Variants in ITPR2 observed in about 807,000 individuals in gnomAD.
ITPR2 encodes the protein inositol 1,4,5-trisphosphate receptor type 2.
ITPR2 carries 207 observed loss-of-function variants against 317.1 expected under a neutral mutation model. That is an observed-to-expected ratio of 0.65 (90% CI 0.58 to 0.73). The LOEUF (loss-of-function observed/expected upper bound fraction) is 0.73, where lower values mean the gene tolerates loss of function less well. Among genes scored for constraint, ITPR2 ranks in the 30% least tolerant of loss-of-function variants. The probability of loss-of-function intolerance (pLI) is 0.00; values close to 1 mark genes in which losing one functional copy is unlikely to be tolerated. For synonymous variants in ITPR2, 1,156 were observed against 1,149.1 expected, an observed-to-expected ratio of 1.01 and a Z score of -0.12; for missense variants, 2,613 against 3,284.0, an observed-to-expected ratio of 0.80 and a Z score of 4.99.
chr12:26,564,973 G>A (rs955478473), intron 34 of ITPR2, among the ~76,000 whole-genome samples: 5 of 152,138 alleles, frequency 3.3e-5, no homozygotes, highest in Non-Finnish European at 7.3e-5. Context: ...TTCCTAAAAA[G>A]AGTCTGACTA....
At chr12:26,568,020 A>T (rs1945056627) in intron 34 of ITPR2, among the ~76,000 whole-genome samples, 1 of 128,184 alleles carries the variant, frequency 7.8e-6, no homozygotes, top group Non-Finnish European at 1.6e-5. Context: ...ATATATATAT[A>T]TATATATATA....
intron 55 of ITPR2, among the ~76,000 whole-genome samples, chr12:26,377,658 C>T (rs1416380883): frequency 3.3e-5 from 5 of 152,184 alleles, no homozygotes; most frequent in Non-Finnish European, 5.9e-5. Context: ...TAGAAGAAGG[C>T]ATAGCTAAAG....
chr12:26,447,909 C>A (rs539900618), intron 45 of ITPR2, among the ~76,000 whole-genome samples: 2 of 151,076 alleles, frequency 1.3e-5, no homozygotes, highest in South Asian at 4.2e-4. Flanking sequence ...CACTGCCAAC[C>A]AAAGATATTC....
intron 1 of ITPR2, among the ~76,000 whole-genome samples, chr12:26,825,929 T>C (rs1028810111): frequency 1.3e-5 from 2 of 152,236 alleles, no homozygotes; most frequent in African/African-American, 4.8e-5. Context: ...TAGATATATT[T>C]ATCACATTAT....
chr12:26,657,084 T>C (rs1947386677), intron 18 of ITPR2, among the ~76,000 whole-genome samples: 1 of 152,240 alleles, frequency 6.6e-6, no homozygotes, highest in Non-Finnish European at 1.5e-5. Flanking sequence ...AAGCGTCATC[T>C]GTCTTTGTCT....
At chr12:26,552,736 A>C (rs1279481818) in intron 36 of ITPR2, among the ~76,000 whole-genome samples, 1 of 152,142 alleles carries the variant, frequency 6.6e-6, no homozygotes, top group Non-Finnish European at 1.5e-5. Context: ...TTGTGGATAC[A>C]TAGTAGGCAT....
At chr12:26,601,003 C>T (rs1945987568) in intron 28 of ITPR2, among the ~76,000 whole-genome samples, 1 of 152,040 alleles carries the variant, frequency 6.6e-6, no homozygotes, top group Non-Finnish European at 1.5e-5. Flanking sequence ...TAGTGAATAT[C>T]CTTATTCATT....
chr12:26,778,135 G>A (rs1204223089), intron 2 of ITPR2, among the ~76,000 whole-genome samples: 5 of 152,154 alleles, frequency 3.3e-5, no homozygotes, highest in African/African-American at 4.8e-5. Context: ...CTTAGCAGCT[G>A]GCAGAACCCC....
chr12:26,493,589 A>T (rs985350925), intron 39 of ITPR2, among the ~76,000 whole-genome samples: 1 of 152,252 alleles, frequency 6.6e-6, no homozygotes, highest in African/African-American at 2.4e-5. Context: ...CAAAGAAATG[A>T]TAAACATTTG....
intron 37 of ITPR2, among the ~76,000 whole-genome samples, chr12:26,538,687 CT>C (rs1944170596): frequency 6.6e-6 from 1 of 152,088 alleles, no homozygotes; most frequent in South Asian, 2.1e-4. Context: ...AGCAATTCTT[CT>C]GCCTCACCCT....
At chr12:26,567,984 A>ATAT (rs1565609585) in intron 34 of ITPR2, among the ~76,000 whole-genome samples, 6 of 10,802 alleles carry the variant, frequency 5.6e-4, no homozygotes, top group African/African-American at 1.5e-3. Flanking sequence ...TATATTATAT[A>ATAT]TATATATATA....
chr12:26,549,893 C>T (rs771092401), intron 37 of ITPR2, among the ~76,000 whole-genome samples: 1 of 151,848 alleles, frequency 6.6e-6, no homozygotes, highest in Non-Finnish European at 1.5e-5. Context: ...TAGACATTCT[C>T]AGTATGTGGC....
At chr12:26,678,659 T>C (rs1421221210) in intron 13 of ITPR2, among the ~76,000 whole-genome samples, 1 of 152,222 alleles carries the variant, frequency 6.6e-6, no homozygotes, top group African/African-American at 2.4e-5. Flanking sequence ...AATTACTAAA[T>C]TAAGATCAAT....
At chr12:26,372,778 A>C (rs1174881694) in intron 55 of ITPR2, among the ~76,000 whole-genome samples, 1 of 152,182 alleles carries the variant, frequency 6.6e-6, no homozygotes. Context: ...AGCATTTTCA[A>C]ACTGGGTTTA....
chr12:26,443,637 T>C lies in ITPR2; in HGVS notation c.6356A>G (p.Asn2119Ser). ...YILAHQLARH[N>S]KLLQQMLKPG... ...TTTGAGCATCTGCTGCAACAGTTTA[T>C]TGTGGCGGGCCAACTAGAGTAGGGA... The change falls in exon 46 of 57, where the codon AAT (asparagine) becomes AGT (serine). Residue 2119 changes from asparagine to serine, a missense_variant. Coordinates refer to ENST00000381340, the MANE Select transcript of ITPR2 (RefSeq NM_002223.4). 6.2e-7 allele frequency: 1 copy of C among 1,612,796 alleles called. No homozygotes were observed. The highest frequency in any genetic ancestry group is 8.5e-7 in the Non-Finnish European group (1 of 1,179,050).
chr12:26,818,952 T>C (rs1467144625), intron 1 of ITPR2, among the ~76,000 whole-genome samples: 1 of 152,146 alleles, frequency 6.6e-6, no homozygotes, highest in Admixed American at 6.5e-5. Context: ...ACTATCTTTA[T>C]TGGTATGATA....
At chr12:26,476,832 T>A (rs922913102) in intron 44 of ITPR2, 80 bp downstream of exon 44, 1 of 834,432 alleles carries the variant, frequency 1.2e-6, no homozygotes, top group Middle Eastern at 2.5e-4. Context: ...ATCAATCAAC[T>A]TTTTTTTCTG....
Position 26,615,274 on chromosome 12 carries a change from A to T in ITPR2, c.3462+5849T>A, listed in dbSNP as rs147332179. On this transcript the variant is annotated intron_variant, in intron 26 of 56. Transcript: ENST00000381340. ...ACAGCCATAGGGAATCACAAAAATT[A>T]GAAAACAACAAAGCATGATAAAAAA... Among the ~76,000 whole-genome samples the T allele has an allele frequency of 5.4e-3, 825 of 152,324 alleles. 12 individuals are homozygous for T. The highest frequency in any genetic ancestry group is 0.019 in the African/African-American group (783 of 41,580).
intron 2 of ITPR2, among the ~76,000 whole-genome samples, chr12:26,733,321 A>G (rs1949057292): frequency 6.9e-6 from 1 of 144,168 alleles, no homozygotes; most frequent in African/African-American, 2.4e-5. Flanking sequence ...CTCAAAAAAA[A>G]AAAAAAAAGA....
Sources: gnomAD v4.1 joint callset for allele counts (sites outside exome capture counted in the v4.1 genomes callset) on GRCh38, gnomAD v4.1.1 for gene constraint, MANE v1.5 for transcripts, NCBI Gene and HGNC (gene_info 2026-07-23, HGNC 2026-07-21) for gene names.